C3: variants seen among roughly 807,000 people sequenced by gnomAD.
The protein encoded by C3 is C3 and PZP-like alpha-2-macroglobulin domain-containing protein 1.
In C3, 97 loss-of-function variants were observed where a neutral mutation model predicts 207.9. That is an observed-to-expected ratio of 0.47 (90% CI 0.40 to 0.55). C3 has a LOEUF of 0.55. Among genes scored for constraint, C3 ranks in the 20% least tolerant of loss-of-function variants. The pLI is 0.00. For missense variants in C3, 1,684 were observed against 2,171.7 expected, an observed-to-expected ratio of 0.78 and a Z score of 4.46; for synonymous variants, 848 against 857.6, an observed-to-expected ratio of 0.99 and a Z score of 0.20.
chr19:6,712,264 C>T lies in C3; in HGVS notation c.1262G>A (p.Ser421Asn), dbSNP rs1967935448. 1 of 1,613,820 alleles carries T rather than the reference C, an allele frequency of 6.2e-7. No individual in the cohort carries two copies. The highest frequency in any genetic ancestry group is 8.5e-7 in the Non-Finnish European group (1 of 1,180,014). The change falls in exon 11 of 41, where the codon AGC becomes AAC. Residue 421 changes from serine to asparagine, a missense_variant. Transcript: ENST00000245907. ...INTHPSQKPLSITVRTKKQEL... is the reference protein window; with the variant it reads ...INTHPSQKPLNITVRTKKQEL... The stretch of plus-strand genomic sequence containing the variant: ...GGCTGGGCCCAGACGCACCGTGATG[C>T]TCAAGGGCTTCTGGCTGGGGTGTGT...
intron 27 of C3, 131 bp from the exon 28 acceptor site, chr19:6,687,033 T>C: frequency 1.0e-6 from 1 of 952,706 alleles, no homozygotes; most frequent in South Asian, 1.4e-5. Context: ...GATTTGTCCA[T>C]TTTTGAGAAT....
intron 13 of C3, among the ~76,000 whole-genome samples, 166 bp downstream of exon 13, chr19:6,710,473 C>G: frequency 7.3e-6 from 1 of 136,358 alleles, no homozygotes; most frequent in Non-Finnish European, 1.5e-5. Context: ...AAAAGAGAGA[C>G]AGTTGAGAGA....
chr19:6,680,651 C>T (rs1917835965), intron 35 of C3, among the ~76,000 whole-genome samples: 1 of 152,128 alleles, frequency 6.6e-6, no homozygotes, highest in African/African-American at 2.4e-5. Flanking sequence ...TTCCTTACCC[C>T]CCATGCCAAC....
intron 19 of C3, among the ~76,000 whole-genome samples, chr19:6,700,961 A>C (rs1967662029): frequency 6.6e-6 from 1 of 151,800 alleles, no homozygotes; most frequent in African/African-American, 2.4e-5. Flanking sequence ...TCAATTTTAG[A>C]GACTGTACCC....
rs1266683597 is a variant in C3 at position 6,713,415 on chromosome 19, G to A, written c.868C>T (p.Arg290Cys). ...GCCTCCGTCTATGGTACCGGAATGCGCTTGAGGGATTCAGGCAGGGAAATC... is the reference window on the plus strand; with the variant it reads ...GCCTCCGTCTATGGTACCGGAATGCACTTGAGGGATTCAGGCAGGGAAATC... Reference protein sequence around the residue: ...QRISLPESLKRIPIEDGSGEV... With the variant: ...QRISLPESLKCIPIEDGSGEV... Residue 290 changes from arginine (R) to cysteine (C), a missense_variant, in exon 8 of 41, where the codon CGC becomes TGC. Arg to Cys is a radical substitution (Grantham distance 180, BLOSUM62 -3). Transcript: ENST00000245907. 2 of 1,613,730 alleles carry A rather than the reference G, an allele frequency of 1.2e-6. No individual in the cohort carries two copies. The highest frequency in any genetic ancestry group is 2.2e-5 in the East Asian group (1 of 44,898).
At chr19:6,690,948 C>G (rs1028553866) in intron 26 of C3, among the ~76,000 whole-genome samples, 2 of 152,008 alleles carry the variant, frequency 1.3e-5, no homozygotes, top group African/African-American at 4.8e-5. Flanking sequence ...ACAATGGGTA[C>G]AACGGTCTGA....
chr19:6,708,154 C>T (rs924618054), intron 14 of C3, among the ~76,000 whole-genome samples: 5 of 149,184 alleles, frequency 3.4e-5, no homozygotes, highest in Non-Finnish European at 7.4e-5. Flanking sequence ...TTCTTTCTTT[C>T]GAGATGGAGT....
chr19:6,720,497 T>C lies in C3; in HGVS notation c.74+19A>G, dbSNP rs1968138610. 1 of 1,565,790 alleles carries C rather than the reference T, an allele frequency of 6.4e-7. No individual in the cohort carries two copies. The highest frequency in any genetic ancestry group is 1.8e-5 in the Admixed American group (1 of 54,194). ...CCCCAGAACCAGCCCTGTTTGTGGG[T>C]AGAGTCATAACCACTCACATGGGAC... On this transcript the variant is annotated intron_variant, in intron 1 of 40. Transcript: ENST00000245907.
chr19:6,717,934 GTA>G (rs2145436363), intron 4 of C3, 158 bp downstream of exon 4: 1 of 758,376 alleles, frequency 1.3e-6, no homozygotes, highest in African/African-American at 1.7e-5. Context: ...GTTGTGTGCT[GTA>G]TGTGTGTGTG....
At chr19:6,678,124 C>T in intron 40 of C3, 28 bp downstream of exon 40, 7 of 1,614,014 alleles carry the variant, frequency 4.3e-6, no homozygotes, top group East Asian at 2.2e-5. Context: ...GTCGGGCGGT[C>T]GCGCGCACGC....
intron 23 of C3, among the ~76,000 whole-genome samples, chr19:6,695,370 T>G (rs1724392029): frequency 1.3e-5 from 2 of 152,214 alleles, no homozygotes; most frequent in African/African-American, 2.4e-5. Flanking sequence ...CAAAGCCTTA[T>G]AGCTTACAGG....
chr19:6,709,720 G>T lies in C3; in HGVS notation c.1809C>A (p.Phe603Leu), dbSNP rs780787862. 1 of 1,613,130 alleles carries T rather than the reference G, an allele frequency of 6.2e-7. No individual in the cohort carries two copies. The highest frequency in any genetic ancestry group is 1.3e-5 in the African/African-American group (1 of 74,666). ...VVLVAVDKGV[F>L]VLNKKNKLTQ... The stretch of plus-strand genomic sequence containing the variant: ...TCAGTTTGTTCTTCTTATTCAGCAC[G>T]AACACGCCCTTGTCCACGGCCACCA... Residue 603 changes from phenylalanine (F) to leucine (L), a missense_variant, in exon 14 of 41, where the codon TTC becomes TTA. Transcript: ENST00000245907.
chr19:6,715,805 T>C (rs1418301515), intron 4 of C3, among the ~76,000 whole-genome samples: 1 of 151,944 alleles, frequency 6.6e-6, no homozygotes, highest in East Asian at 1.9e-4. Context: ...TTTTGTACTT[T>C]TAATAAAGAC....
In C3 at chr19:6,696,374, C is replaced by G. The variant is rs1439652148; in HGVS notation, c.2950+5G>C. The stretch of plus-strand genomic sequence containing the variant: ...CCCATGGGGTCGGGGTCAAGGGTGT[C>G]TCACCTTGCAGGAGAATTCTGGTCT... On this transcript the variant is annotated splice_donor_5th_base_variant and intron_variant, in intron 23 of 40. Coordinates refer to ENST00000245907, the MANE Select transcript of C3 (RefSeq NM_000064.4). The G allele has an allele frequency of 6.2e-7, 1 of 1,604,694 alleles. No homozygotes were observed. The highest frequency in any genetic ancestry group is 1.3e-5 in the African/African-American group (1 of 74,716).
At position 6,685,081 on chromosome 19, in the gene C3, C is replaced by T. The variant is rs1917967957; in HGVS notation, c.3876G>A (p.Leu1292=). Residue 1292 remains leucine, a synonymous_variant, in exon 30 of 41, where the codon CTG becomes CTA. Transcript: ENST00000245907. The stretch of plus-strand genomic sequence containing the variant: ...GCAGTTGGAGGGACACATCAAGGTT[C>T]AGTTCCTGGTGGTCAGGGGCGTCCT... The part of the protein sequence containing the change: ...YQKDAPDHQE[L]NLDVSLQLPS... 6.2e-7 allele frequency: 1 copy of T among 1,614,040 alleles called. No homozygotes were observed. The highest frequency in any genetic ancestry group is 8.5e-7 in the Non-Finnish European group (1 of 1,179,982).
At chr19:6,709,611 T>TACCCC in intron 14 of C3, 73 bp downstream of exon 14, 23 of 1,109,432 alleles carry the variant, frequency 2.1e-5, no homozygotes, top group Non-Finnish European at 2.0e-5. Context: ...CCCTCTCCAG[T>TACCCC]CCCACCCACC....
intron 9 of C3, 105 bp downstream of exon 9, chr19:6,713,084 C>T: frequency 7.1e-7 from 1 of 1,411,138 alleles, no homozygotes; most frequent in Non-Finnish European, 1.0e-6. Flanking sequence ...CCCACTTTCA[C>T]TCTGAGCCTC....
intron 36 of C3, 137 bp from the exon 37 acceptor site, chr19:6,679,633 C>T: frequency 2.8e-6 from 2 of 723,206 alleles, no homozygotes; most frequent in South Asian, 2.9e-5. Context: ...CCCTCAGACC[C>T]CAAGACCCCC....
rs1207853305 is a variant in C3, at chr19:6,710,662, C to T, written c.1663G>A (p.Val555Ile). ...EVVADSVWVD[V>I]KDSCVGSLVV... ...ACCGAGCCCACGCAGGAGTCCTTGA[C>T]GTCCACCCACACGGAGTCGGCCACC... The change falls in exon 13 of 41, where the codon GTC (valine) becomes ATC (isoleucine). Residue 555 changes from valine to isoleucine, a missense_variant. Val to Ile is a conservative substitution (Grantham distance 29, BLOSUM62 3). This residue lies in a region of C3 where 1,280 missense variants were observed against 1,739.1 expected (regional missense o/e 0.74). Transcript: ENST00000245907. 8 of 1,613,032 alleles carry T rather than the reference C, an allele frequency of 5.0e-6. No individual in the cohort carries two copies. Among genetic ancestry groups the T allele is most frequent in the Non-Finnish European group, 6.8e-6 (8 of 1,179,788 alleles).
Sources: gnomAD v4.1 joint callset for allele counts (sites outside exome capture counted in the v4.1 genomes callset) on GRCh38, gnomAD v4.1.1 for gene constraint, gnomAD v4.1.1 regional missense constraint, MANE v1.5 for transcripts, NCBI Gene and HGNC (gene_info 2026-07-23, HGNC 2026-07-21) for gene names.